WHRN: variants seen among roughly 807,000 people sequenced by gnomAD.
WHRN encodes whirlin.
WHRN carries 41 observed loss-of-function variants against 68.3 expected under a neutral mutation model. The ratio of observed to expected loss-of-function variants is 0.60; its 90% CI spans 0.47 to 0.78. The LOEUF is 0.78. WHRN is among the 30% of genes least tolerant of loss of function. WHRN has a pLI of 0.00. For synonymous variants in WHRN, 560 were observed against 561.3 expected, an observed-to-expected ratio of 1.00 and a Z score of 0.03; for missense variants, 1,243 against 1,244.7, an observed-to-expected ratio of 1.00 and a Z score of 0.02.
At position 114,456,163 on chromosome 9, in the gene WHRN, G is replaced by A. The variant is rs74670403; in HGVS notation, c.963+10104C>T. On this transcript the variant is annotated intron_variant, in intron 3 of 11. Transcript: ENST00000362057. ...TAAAAAAAAAAAAACATCTCCAAAT[G>A]GGCAAAAGATCCAGGAAACTTTTGT... Among the ~76,000 whole-genome samples, 46 of 146,638 alleles carry A rather than the reference G, an allele frequency of 3.1e-4. No homozygotes were observed. The East Asian group carries it at 8.0e-3, about 26-fold the overall frequency.
intron 3 of WHRN, among the ~76,000 whole-genome samples, chr9:114,444,767 A>G (rs945306711): frequency 1.3e-5 from 2 of 151,820 alleles, no homozygotes; most frequent in Admixed American, 1.3e-4. Context: ...GGTCTTTCTC[A>G]CATGAAGGAT....
At position 114,408,023 on chromosome 9, in the gene WHRN, A is replaced by T. The variant is rs187221008; in HGVS notation, c.1627-5T>A. On this transcript the variant is annotated splice_region_variant and splice_polypyrimidine_tract_variant and intron_variant, in intron 7 of 11. Transcript: ENST00000362057. The stretch of plus-strand genomic sequence containing the variant: ...TTCCTCCAGGTCCAGAGTGTTCTAG[A>T]AATGGACGAGAAAGCAAAGTGAGCA... 2.2e-3 allele frequency: 3,504 copies of T among 1,595,730 alleles called. 6 individuals are homozygous for T. Among genetic ancestry groups the T allele is most frequent in the Non-Finnish European group, 2.8e-3 (3,238 of 1,169,848 alleles).
intron 3 of WHRN, among the ~76,000 whole-genome samples, chr9:114,438,659 G>A (rs189486814): frequency 6.6e-6 from 1 of 151,922 alleles, no homozygotes; most frequent in Non-Finnish European, 1.5e-5. Flanking sequence ...TCACCTGTTA[G>A]CCAGGATGGT....
intron 1 of WHRN, among the ~76,000 whole-genome samples, chr9:114,495,588 T>C (rs962630485): frequency 3.9e-5 from 6 of 152,200 alleles, no homozygotes; most frequent in Non-Finnish European, 8.8e-5. Flanking sequence ...GCACAGATCC[T>C]GTGCAGAGAC....
intron 5 of WHRN, 77 bp downstream of exon 5, chr9:114,424,911 G>A: frequency 6.7e-7 from 1 of 1,497,964 alleles, no homozygotes; most frequent in South Asian, 1.1e-5. Flanking sequence ...AAGTCACTCG[G>A]CACCCTCTGG....
chr9:114,403,816 C>A, intron 10 of WHRN, 80 bp downstream of exon 10: 2 of 1,555,464 alleles, frequency 1.3e-6, no homozygotes, highest in Non-Finnish European at 1.8e-6. Context: ...CCAAGCTGAG[C>A]CCTGGTCCCG....
intron 1 of WHRN, among the ~76,000 whole-genome samples, chr9:114,481,253 G>A (rs1226415265): frequency 6.6e-6 from 1 of 152,230 alleles, no homozygotes; most frequent in African/African-American, 2.4e-5. Context: ...TGAGCCAGGA[G>A]GCACCCAGGC....
intron 1 of WHRN, among the ~76,000 whole-genome samples, chr9:114,493,713 G>GA (rs1299500070): frequency 6.6e-6 from 1 of 151,946 alleles, no homozygotes; most frequent in Admixed American, 6.5e-5. Context: ...TAAGAGAGAG[G>GA]AAAAAGGAAA....
chr9:114,489,048 T>C lies in WHRN; in HGVS notation c.619-10277A>G, dbSNP rs138384752. Among the ~76,000 whole-genome samples, 147 of 152,300 alleles carry C rather than the reference T, an allele frequency of 9.7e-4. 4 individuals are homozygous for C. Among genetic ancestry groups the C allele is most frequent in the African/African-American group, 3.5e-3 (145 of 41,552 alleles). ...CTGCCCTGCCACCTGAGCTGTCTTA[T>C]AGGATCAAGTACTCCAAGCTCTTCT... On this transcript the variant is annotated intron_variant, in intron 1 of 11. Transcript: ENST00000362057.
At chr9:114,438,052 GGTGAA>G (rs1838018516) in intron 3 of WHRN, among the ~76,000 whole-genome samples, 1 of 152,112 alleles carries the variant, frequency 6.6e-6, no homozygotes, top group Admixed American at 6.5e-5. Context: ...TGGGGAATAT[GGTGAA>G]ACCCCATCTC....
intron 3 of WHRN, among the ~76,000 whole-genome samples, chr9:114,457,729 A>C (rs1190620820): frequency 6.6e-6 from 1 of 152,148 alleles, no homozygotes; most frequent in East Asian, 1.9e-4. Flanking sequence ...CCGCCTGGCC[A>C]ACGTGGTGAA....
Position 114,441,454 on chromosome 9 carries a change from T to A in WHRN, c.964-15041A>T, listed in dbSNP as rs555831832. ...AGCCCATCTAGCCCCCAGATCTTGA[T>A]ATCTAAATGCCATTCCCCATTGAGA... On this transcript the variant is annotated intron_variant, in intron 3 of 11. Coordinates refer to ENST00000362057, the MANE Select transcript of WHRN (RefSeq NM_015404.4). Among the ~76,000 whole-genome samples, 37 of 152,324 alleles carry A rather than the reference T, an allele frequency of 2.4e-4. 1 individual carries two copies. Among genetic ancestry groups the A allele is most frequent in the Non-Finnish European group, 4.4e-4 (30 of 68,026 alleles).
chr9:114,478,072 A>G (rs1285988529), intron 2 of WHRN, among the ~76,000 whole-genome samples: 2 of 152,056 alleles, frequency 1.3e-5, no homozygotes, highest in African/African-American at 4.8e-5. Flanking sequence ...TGTCCCCCAG[A>G]TGAGACTGTC....
intron 4 of WHRN, chr9:114,425,239 C>T (rs562438216): frequency 1.3e-4 from 90 of 686,834 alleles, no homozygotes; most frequent in Middle Eastern, 3.7e-4. Flanking sequence ...GCAGTGTGCA[C>T]GGCACCTCCA....
Position 114,403,357 on chromosome 9 carries a change from G to A in WHRN, c.2419-18C>T, listed in dbSNP as rs1834804965. On this transcript the variant is annotated intron_variant, in intron 10 of 11. Coordinates refer to ENST00000362057, the MANE Select transcript of WHRN (RefSeq NM_015404.4). ...AGTCCAGGCTGTGGGTATTAGGAAG[G>A]ACACCACTGAGGCCTTCGCAGTTGG... 6.2e-7 allele frequency: 1 copy of A among 1,613,822 alleles called. No homozygotes were observed. Among genetic ancestry groups the A allele is most frequent in the African/African-American group, 1.3e-5 (1 of 75,060 alleles).
chr9:114,504,323 G>C lies in WHRN; in HGVS notation c.479C>G (p.Ser160Trp). The C allele has an allele frequency of 6.2e-7, 1 of 1,611,380 alleles. No individual in the cohort carries two copies. The highest frequency in any genetic ancestry group is 2.2e-5 in the East Asian group (1 of 44,884). The change falls in exon 1 of 12, where the codon TCG becomes TGG. Residue 160 changes from serine (S) to tryptophan (W), a missense_variant. Transcript: ENST00000362057. ...CACGTAGATGCCCACGCCGTGCTCC[G>C]AGCCCCCACGGATGCTGAAGCCCAA... ...EGLGFSIRGGSEHGVGIYVSL... is the reference protein window; with the variant it reads ...EGLGFSIRGGWEHGVGIYVSL...
intron 3 of WHRN, among the ~76,000 whole-genome samples, chr9:114,445,807 C>A (rs1206023489): frequency 6.6e-6 from 1 of 152,134 alleles, no homozygotes; most frequent in Non-Finnish European, 1.5e-5. Flanking sequence ...GGCTTGGAGG[C>A]GTTTAATCTC....
chr9:114,407,126 C>T (rs1194638344), intron 8 of WHRN, among the ~76,000 whole-genome samples: 1 of 152,210 alleles, frequency 6.6e-6, no homozygotes, highest in African/African-American at 2.4e-5. Context: ...GCATCATTAC[C>T]TTTGGGAACT....
rs567661962 is a variant in WHRN at position 114,402,598 on chromosome 9, C to T, written c.*156G>A. On this transcript the variant is annotated 3_prime_UTR_variant, in exon 12 of 12. Coordinates refer to ENST00000362057, the MANE Select transcript of WHRN (RefSeq NM_015404.4). ...TGCCTTGTCCTGCTCTCTTCCTCTCCCAGTTCTGGTCCAGTGGGCTGGGAT... is the reference window on the plus strand; with the variant it reads ...TGCCTTGTCCTGCTCTCTTCCTCTCTCAGTTCTGGTCCAGTGGGCTGGGAT... 1.7e-3 allele frequency: 1,628 copies of T among 938,062 alleles called. 6 individuals are homozygous for T. The highest frequency in any genetic ancestry group is 0.011 in the Middle Eastern group (43 of 3,746). 58.1% of individuals were successfully genotyped at this position (938,062 alleles called of 1,614,324 possible).
Sources: allele counts gnomAD v4.1 joint callset (sites outside exome capture counted in the v4.1 genomes callset), GRCh38; gene constraint gnomAD v4.1.1; transcripts MANE v1.5; gene names NCBI Gene and HGNC (gene_info 2026-07-23, HGNC 2026-07-21).